TINAG: variants seen among roughly 807,000 people sequenced by gnomAD.
TINAG encodes the protein tubulointerstitial nephritis antigen.
TINAG carries 83 observed loss-of-function variants against 72.7 expected under a neutral mutation model. The observed-to-expected ratio is 1.14, with a 90% CI of 0.96 to 1.37. The LOEUF (loss-of-function observed/expected upper bound fraction) is 1.37, where lower values mean the gene tolerates loss of function less well. Among genes scored for constraint, TINAG ranks in the 40% most tolerant of loss-of-function variants. The pLI, the probability that TINAG is intolerant of heterozygous loss-of-function variation, is 0.00. For missense variants in TINAG, 685 were observed against 576.6 expected, an observed-to-expected ratio of 1.19 and a Z score of -1.93; for synonymous variants, 234 against 189.9, an observed-to-expected ratio of 1.23 and a Z score of -1.91.
chr6:54,346,188 G>A (rs1323751520), intron 5 of TINAG, among the ~76,000 whole-genome samples: 6 of 152,036 alleles, frequency 3.9e-5, no homozygotes, highest in Admixed American at 3.9e-4. Flanking sequence ...GATGACATCT[G>A]TAGGGTTTTG....
Position 54,354,497 on chromosome 6 carries a change from T to C in TINAG, c.1127-16T>C, listed in dbSNP as rs201832868. On this transcript the variant is annotated splice_polypyrimidine_tract_variant and intron_variant, in intron 8 of 10. Transcript: ENST00000259782. Reference sequence around the variant, plus strand: ...TTTTAATACTGTGCCATTTGTTCTGTTGGATTTTATTTTAGCCATAATGCA... The same window carrying C: ...TTTTAATACTGTGCCATTTGTTCTGCTGGATTTTATTTTAGCCATAATGCA... 4 of 1,591,864 alleles carry C rather than the reference T, an allele frequency of 2.5e-6. No homozygotes were observed. The highest frequency in any genetic ancestry group is 1.2e-5 in the South Asian group (1 of 86,874).
chr6:54,362,521 C>T (rs984978241), intron 9 of TINAG, among the ~76,000 whole-genome samples: 14 of 151,724 alleles, frequency 9.2e-5, no homozygotes, highest in Non-Finnish European at 1.6e-4. Flanking sequence ...TGAAAATGCA[C>T]CTAATCACCT....
At chr6:54,366,691 C>T (rs1022136017) in intron 9 of TINAG, among the ~76,000 whole-genome samples, 5 of 150,754 alleles carry the variant, frequency 3.3e-5, no homozygotes, top group African/African-American at 4.9e-5. Flanking sequence ...CATTGAGTAG[C>T]GAAGATGTGC....
chr6:54,333,084 GA>G (rs1449623136), intron 4 of TINAG, among the ~76,000 whole-genome samples: 1 of 152,140 alleles, frequency 6.6e-6, no homozygotes, highest in Non-Finnish European at 1.5e-5. Context: ...TCTAGAACTA[GA>G]AATACCATTT....
chr6:54,341,308 A>G (rs1021081004), intron 4 of TINAG, among the ~76,000 whole-genome samples: 1 of 152,126 alleles, frequency 6.6e-6, no homozygotes, highest in African/African-American at 2.4e-5. Context: ...CTCTCAAATT[A>G]TCTACCCAGA....
At chr6:54,322,793 A>G (rs1429501258) in intron 3 of TINAG, among the ~76,000 whole-genome samples, 1 of 152,232 alleles carries the variant, frequency 6.6e-6, no homozygotes, top group Non-Finnish European at 1.5e-5. Context: ...TGACATCTTC[A>G]GTATTTCCAG....
chr6:54,362,666 G>C (rs1763275053), intron 9 of TINAG, among the ~76,000 whole-genome samples: 2 of 151,472 alleles, frequency 1.3e-5, no homozygotes, highest in African/African-American at 4.8e-5. Context: ...CATCTCATAA[G>C]GCTATACCTG....
rs765143180 is a variant in TINAG at position 54,320,571 on chromosome 6, T to G, written c.356-8T>G. ...GCATTTTCATTTCTTTACATGTTAC[T>G]TTGACAGGTTGCTTCAAAGATGGTC... On this transcript the variant is annotated splice_region_variant and splice_polypyrimidine_tract_variant and intron_variant, in intron 1 of 10. Coordinates refer to ENST00000259782, the MANE Select transcript of TINAG (RefSeq NM_014464.4). 3.1e-6 allele frequency: 5 copies of G among 1,594,088 alleles called. No individual in the cohort carries two copies. The highest frequency in any genetic ancestry group is 4.3e-6 in the Non-Finnish European group (5 of 1,169,252).
chr6:54,345,019 T>G lies in TINAG; in HGVS notation c.748+1670T>G, dbSNP rs577390623. ...AATATGCACATATATTTTAAAAACT[T>G]ATGTAATCAAATCAAATTCAAGCTA... On this transcript the variant is annotated intron_variant, in intron 5 of 10. Transcript: ENST00000259782. 4.6e-5 allele frequency among the ~76,000 whole-genome samples: 7 copies of G among 152,206 alleles called. No individual in the cohort carries two copies. In the East Asian group the frequency reaches 1.4e-3, roughly 29 times the overall value.
chr6:54,356,434 G>T (rs1243640544), intron 9 of TINAG, among the ~76,000 whole-genome samples: 1 of 151,874 alleles, frequency 6.6e-6, no homozygotes, highest in Non-Finnish European at 1.5e-5. Context: ...CTACTCAGGA[G>T]GCTGAGGCAC....
upstream of TINAG, chr6:54,307,969 AG>A: frequency 7.1e-7 from 1 of 1,409,642 alleles, no homozygotes; most frequent in Non-Finnish European, 9.7e-7. Context: ...CGCTTCTGGT[AG>A]GTAAATGGAG....
chr6:54,382,032 A>G (rs1330565078), intron 10 of TINAG, among the ~76,000 whole-genome samples: 1 of 152,068 alleles, frequency 6.6e-6, no homozygotes, highest in Non-Finnish European at 1.5e-5. Context: ...TACGCTGAGT[A>G]TGATTATCTA....
chr6:54,356,106 A>G (rs960644532), intron 9 of TINAG, among the ~76,000 whole-genome samples: 1 of 151,934 alleles, frequency 6.6e-6, no homozygotes, highest in Admixed American at 6.6e-5. Flanking sequence ...AGCCTATGGT[A>G]GCTTCCTATT....
chr6:54,354,928 A>G (rs1052261778), intron 9 of TINAG, among the ~76,000 whole-genome samples: 3 of 151,902 alleles, frequency 2.0e-5, no homozygotes, highest in Non-Finnish European at 2.9e-5. Flanking sequence ...TACATAAGGC[A>G]TAATCAAGGG....
chr6:54,379,859 C>G (rs1460165074), intron 9 of TINAG, among the ~76,000 whole-genome samples: 3 of 151,854 alleles, frequency 2.0e-5, no homozygotes, highest in South Asian at 2.1e-4. Context: ...TATACACGTG[C>G]CATGGTGGTT....
rs114855669 is a variant in TINAG at position 54,324,934 on chromosome 6, A to G, written c.510-1868A>G. ...AGCATAAATAACATGTTGGTCCAAA[A>G]GCTTTTTTACTACCTTATCTTTTAT... On this transcript the variant is annotated intron_variant, in intron 3 of 10. Transcript: ENST00000259782. Among the ~76,000 whole-genome samples the G allele has an allele frequency of 8.9e-3, 1,349 of 152,280 alleles. 25 individuals carry two copies. The highest frequency in any genetic ancestry group is 0.029 in the African/African-American group (1,218 of 41,564).
Position 54,350,811 on chromosome 6 carries a change from T to C in TINAG, c.1081-541T>C, listed in dbSNP as rs188824202. On this transcript the variant is annotated intron_variant, in intron 7 of 10. Transcript: ENST00000259782. ...GGATCTTATTAAATAATAATGAAAT[T>C]AGTAGTGTCATTCAACCAAAATGTA... Among the ~76,000 whole-genome samples the C allele has an allele frequency of 1.2e-4, 18 of 151,606 alleles. 1 individual carries two copies. The highest frequency in any genetic ancestry group is 9.3e-4 in the Admixed American group (14 of 15,108).
At chr6:54,376,914 T>C (rs940519767) in intron 9 of TINAG, among the ~76,000 whole-genome samples, 2 of 152,116 alleles carry the variant, frequency 1.3e-5, no homozygotes, top group African/African-American at 4.8e-5. Context: ...AGTCTCAATG[T>C]AGGGAGACTG....
chr6:54,379,410 G>A (rs542091319), intron 9 of TINAG, among the ~76,000 whole-genome samples: 1 of 152,244 alleles, frequency 6.6e-6, no homozygotes, highest in African/African-American at 2.4e-5. Flanking sequence ...ATGAAATCGT[G>A]TACGTTTAGG....
Sources: allele counts gnomAD v4.1 joint callset (sites outside exome capture counted in the v4.1 genomes callset), GRCh38; gene constraint gnomAD v4.1.1; transcripts MANE v1.5; gene names NCBI Gene and HGNC (gene_info 2026-07-23, HGNC 2026-07-21).